MAGI2: variants seen among roughly 807,000 people sequenced by gnomAD.
MAGI2 encodes membrane-associated guanylate kinase, WW and PDZ domain-containing protein 2.
Under a neutral mutation model 133.3 loss-of-function variants are expected in MAGI2, and 35 were observed. The observed-to-expected ratio is 0.26, with a 90% CI of 0.20 to 0.35. The LOEUF is 0.35. Ranked by LOEUF, MAGI2 falls within the 10% of genes least tolerant of loss-of-function variation. MAGI2 has a pLI of 1.00. For synonymous variants in MAGI2, 729 were observed against 710.6 expected (o/e 1.03, Z -0.41); for missense variants, 1,636 against 1,863.4 (o/e 0.88, Z 2.25).
At chr7:79,198,057 G>C (rs1309292802) in intron 1 of MAGI2, among the ~76,000 whole-genome samples, 1 of 151,606 alleles carries the variant, frequency 6.6e-6, no homozygotes, top group East Asian at 1.9e-4. Flanking sequence ...GAGCAGCCTG[G>C]GCAATATAGT....
chr7:78,032,578 G>A (rs1809704794), intron 21 of MAGI2, among the ~76,000 whole-genome samples: 1 of 152,140 alleles, frequency 6.6e-6, no homozygotes, highest in African/African-American at 2.4e-5. Flanking sequence ...AAATATGCCT[G>A]TGAAGAAAGC....
At chr7:78,398,675 G>A (rs953797644) in intron 6 of MAGI2, among the ~76,000 whole-genome samples, 7 of 151,900 alleles carry the variant, frequency 4.6e-5, no homozygotes, top group African/African-American at 1.7e-4. Flanking sequence ...AAGAAAGGTA[G>A]GGCCCCAACT....
chr7:78,773,748 A>G (rs544292808), intron 2 of MAGI2, among the ~76,000 whole-genome samples: 2 of 152,296 alleles, frequency 1.3e-5, no homozygotes, highest in African/African-American at 4.8e-5. Flanking sequence ...GTTTTCAGGC[A>G]GAGACACAAA....
chr7:78,486,002 A>C (rs1169661005), intron 6 of MAGI2: 1 of 152,108 alleles, frequency 6.6e-6, no homozygotes, highest in Non-Finnish European at 1.5e-5. Flanking sequence ...AAGGTCTAAG[A>C]TTCTCAAAAG....
intron 9 of MAGI2, 106 bp downstream of exon 9, chr7:78,343,672 G>T: frequency 3.9e-6 from 3 of 772,660 alleles, no homozygotes; most frequent in Non-Finnish European, 5.6e-6. Flanking sequence ...TTCCTAAAGT[G>T]AAGTGACCTT....
intron 1 of MAGI2, among the ~76,000 whole-genome samples, chr7:79,025,475 CT>C (rs768046209): frequency 1.8e-4 from 27 of 152,034 alleles, no homozygotes; most frequent in Non-Finnish European, 3.7e-4. Flanking sequence ...ATATAGAAGC[CT>C]CCACATGTAC....
At chr7:78,471,618 T>C (rs1289780196) in intron 6 of MAGI2, among the ~76,000 whole-genome samples, 2 of 152,056 alleles carry the variant, frequency 1.3e-5, no homozygotes, top group Admixed American at 1.3e-4. Flanking sequence ...AGTTAAATGA[T>C]ACAGTTTACT....
chr7:79,301,954 T>C (rs1346334370), intron 1 of MAGI2, among the ~76,000 whole-genome samples: 2 of 152,210 alleles, frequency 1.3e-5, no homozygotes, highest in Non-Finnish European at 1.5e-5. Flanking sequence ...GCTTTCACCA[T>C]GGGATGTGCC....
intron 1 of MAGI2, among the ~76,000 whole-genome samples, chr7:79,039,867 A>ATAC (rs1229019354): frequency 6.9e-6 from 1 of 145,332 alleles, no homozygotes; most frequent in Non-Finnish European, 1.5e-5. Flanking sequence ...ATATATATAT[A>ATAC]ATATATATGT....
chr7:79,207,023 T>A (rs997931991), intron 1 of MAGI2, among the ~76,000 whole-genome samples: 1 of 151,904 alleles, frequency 6.6e-6, no homozygotes, highest in Non-Finnish European at 1.5e-5. Flanking sequence ...CCTTTGACAA[T>A]GAAAATTCTC....
At chr7:78,882,080 CAACAACAAA>C (rs1242037505) in intron 2 of MAGI2, among the ~76,000 whole-genome samples, 2 of 15,002 alleles carry the variant, frequency 1.3e-4, no homozygotes, top group South Asian at 2.8e-3. Context: ...ACAACAACAA[CAACAACAAA>C]AAAAAAAAAA....
intron 2 of MAGI2, among the ~76,000 whole-genome samples, chr7:78,991,979 C>G (rs911133342): frequency 6.6e-6 from 1 of 151,936 alleles, no homozygotes; most frequent in African/African-American, 2.4e-5. Flanking sequence ...CATGAATATA[C>G]AAGAGCAGGG....
chr7:78,726,245 T>TC (rs1475671953), intron 2 of MAGI2, among the ~76,000 whole-genome samples: 2 of 152,240 alleles, frequency 1.3e-5, no homozygotes, highest in Admixed American at 6.5e-5. Context: ...TACTATGTTT[T>TC]CTGTTGCCAT....
At chr7:78,564,037 G>T (rs1383125529) in intron 3 of MAGI2, among the ~76,000 whole-genome samples, 1 of 152,134 alleles carries the variant, frequency 6.6e-6, no homozygotes, top group East Asian at 1.9e-4. Flanking sequence ...TAATTTCTAT[G>T]ATAAAAGGGA....
chr7:78,393,541 C>G (rs1796088161), intron 6 of MAGI2, among the ~76,000 whole-genome samples: 1 of 152,160 alleles, frequency 6.6e-6, no homozygotes, highest in African/African-American at 2.4e-5. Flanking sequence ...GTAAGCTACT[C>G]AGTGGCCTTT....
At chr7:78,551,975 G>A (rs11981895) in intron 3 of MAGI2, among the ~76,000 whole-genome samples, 3,680 of 152,188 alleles carry the variant, frequency 0.024, 158 homozygotes, top group African/African-American at 0.084. Context: ...AAACTCTTGA[G>A]CTCAAGCAAC....
chr7:79,172,711 C>A (rs1044890312), intron 1 of MAGI2, among the ~76,000 whole-genome samples: 2 of 151,968 alleles, frequency 1.3e-5, no homozygotes, highest in South Asian at 2.1e-4. Context: ...CATGTATTTA[C>A]CAATAAAGCA....
intron 2 of MAGI2, among the ~76,000 whole-genome samples, chr7:78,728,652 G>A (rs1307132067): frequency 1.1e-5 from 1 of 89,156 alleles, no homozygotes; most frequent in East Asian, 3.8e-4. Flanking sequence ...TGCAAGCTCC[G>A]CCTCCCGGGT....
chr7:79,205,562 G>A (rs945528334), intron 1 of MAGI2, among the ~76,000 whole-genome samples: 3 of 151,890 alleles, frequency 2.0e-5, no homozygotes, highest in African/African-American at 7.3e-5. Context: ...AAACTCACTG[G>A]TAAAAGTAAG....
Sources: gnomAD v4.1 joint callset for allele counts (sites outside exome capture counted in the v4.1 genomes callset) on GRCh38, gnomAD v4.1.1 for gene constraint, MANE v1.5 for transcripts, NCBI Gene and HGNC (gene_info 2026-07-23, HGNC 2026-07-21) for gene names.